Variants in BAHCC1 observed in about 807,000 individuals in gnomAD.
BAHCC1 encodes the protein BAH domain and coiled-coil containing 1.
BAHCC1 carries 43 observed loss-of-function variants against 88.2 expected under a neutral mutation model. The observed-to-expected ratio is 0.49, with a 90% CI of 0.38 to 0.63. The LOEUF (loss-of-function observed/expected upper bound fraction) is 0.63, where lower values mean the gene tolerates loss of function less well. BAHCC1 is among the 20% of genes least tolerant of loss of function. The probability of loss-of-function intolerance (pLI) is 0.00; values close to 1 mark genes in which losing one functional copy is unlikely to be tolerated. For synonymous variants in BAHCC1, 1,510 were observed against 745.5 expected (o/e 2.03, Z -16.71); for missense variants, 3,023 against 1,654.8 (o/e 1.83, Z -14.34).
intron 3 of BAHCC1, among the ~76,000 whole-genome samples, chr17:81,437,220 TCTC>T (rs1219643329): frequency 1.3e-5 from 2 of 152,286 alleles, no homozygotes; most frequent in South Asian, 2.1e-4. Context: ...TCAAACGTCT[TCTC>T]CTCAGGCCTA....
intron 3 of BAHCC1, among the ~76,000 whole-genome samples, chr17:81,436,285 T>C (rs1248210004): frequency 6.6e-6 from 1 of 152,198 alleles, no homozygotes; most frequent in Non-Finnish European, 1.5e-5. Context: ...GCCCAGCAGC[T>C]GAGGGACACG....
At chr17:81,428,585 C>G (rs2064226551) in intron 3 of BAHCC1, among the ~76,000 whole-genome samples, 2 of 152,214 alleles carry the variant, frequency 1.3e-5, no homozygotes, top group African/African-American at 4.8e-5. Context: ...ACCCCACTCC[C>G]TCCACCCACC....
At chr17:81,455,097 C>T (rs2064721925) in intron 14 of BAHCC1, among the ~76,000 whole-genome samples, 170 bp from the exon 15 acceptor site, 1 of 152,188 alleles carries the variant, frequency 6.6e-6, no homozygotes, top group Non-Finnish European at 1.5e-5. Flanking sequence ...CAGAGGAGGT[C>T]AGAGCTGGCT....
rs964780900 is a variant in BAHCC1 at position 81,461,890 on chromosome 17, C to T, written c.7227C>T (p.Ser2409=). 1 of 733,534 alleles carries T rather than the reference C, an allele frequency of 1.4e-6. No homozygotes were observed. Among genetic ancestry groups the T allele is most frequent in the Non-Finnish European group, 2.5e-6 (1 of 394,944 alleles). The allele number at this position is 733,534 out of a possible 1,614,324, so 45.4% of individuals were successfully genotyped here. The change falls in exon 26 of 28, where the codon AGC becomes AGT. Residue 2409 remains serine, a synonymous_variant. Transcript: ENST00000675386. ...GTGCGGGCTCAGGCCCCAGCAGCAG[C>T]AGCAAATCCAAGCTCAAGCGCAAAG... The part of the protein sequence containing the change: ...GTGAGSGPSS[S]SKSKLKRKEA...
intron 2 of BAHCC1, among the ~76,000 whole-genome samples, chr17:81,423,162 G>A (rs893905213): frequency 1.3e-5 from 2 of 151,466 alleles, no homozygotes; most frequent in Admixed American, 6.6e-5. Flanking sequence ...CCGCCGCAGA[G>A]GCCAGCTCAC....
chr17:81,444,538 C>A lies in BAHCC1; in HGVS notation c.2482C>A (p.Pro828Thr), dbSNP rs1598490101. The A allele has an allele frequency of 4.2e-6, 3 of 711,038 alleles. No individual in the cohort carries two copies. The South Asian group carries it at 4.6e-5, about 11-fold the overall frequency. 44.0% of individuals were successfully genotyped at this position (711,038 alleles called of 1,614,324 possible). ...CCCCTGGCTGCCCCGCACCCGCAGC[C>A]CCTCCCTGTGGATGGGGGGGCACTC... ...HPPWLPRTRS[P>T]SLWMGGHSYG... Residue 828 changes from proline (P) to threonine (T), a missense_variant, in exon 7 of 28, where the codon CCC becomes ACC. By Grantham distance (38) the Pro-to-Thr change is conservative (BLOSUM62 -1). Transcript: ENST00000675386.
At chr17:81,408,396 AC>A (rs1351986161) in intron 2 of BAHCC1, among the ~76,000 whole-genome samples, 2 of 39,334 alleles carry the variant, frequency 5.1e-5, no homozygotes, top group African/African-American at 1.0e-4. Flanking sequence ...CCTGCCTCCC[AC>A]CCCCCAGGCT....
At chr17:81,452,470 G>C (rs1223804642) in intron 13 of BAHCC1, among the ~76,000 whole-genome samples, 1 of 151,458 alleles carries the variant, frequency 6.6e-6, no homozygotes, top group Non-Finnish European at 1.5e-5. Flanking sequence ...TTCTCTGGGG[G>C]AGGGGACACC....
intron 2 of BAHCC1, among the ~76,000 whole-genome samples, chr17:81,426,166 TGATAGTGGTG>T (rs2064195081): frequency 7.2e-6 from 1 of 139,384 alleles, no homozygotes; most frequent in African/African-American, 2.7e-5. Flanking sequence ...TGGTTGGGGG[TGATAGTGGTG>T]GGTAATGTGG....
At position 81,444,387 on chromosome 17, in the gene BAHCC1, C is replaced by T. The variant is rs1555653647; in HGVS notation, c.2331C>T (p.Ser777=). The change falls in exon 7 of 28, where the codon AGC becomes AGT. Residue 777 remains serine, a synonymous_variant. Transcript: ENST00000675386. The part of the protein sequence containing the change: ...LASRELLLQD[S]KDRVEFARIH... The stretch of plus-strand genomic sequence containing the variant: ...TGAGCCCCAGGTCTTACAGGGACAG[C>T]AAAGACCGCGTAGAGTTCGCCCGGA... 1.4e-6 allele frequency: 1 copy of T among 738,932 alleles called. No individual in the cohort carries two copies. The highest frequency in any genetic ancestry group is 2.5e-6 in the Non-Finnish European group (1 of 398,874). 45.8% of individuals were successfully genotyped at this position (738,932 alleles called of 1,614,324 possible). A position where few individuals can be genotyped will look rare whatever the true frequency, so the allele number is the denominator to read the frequency against.
rs782175755 is a variant in BAHCC1 at position 81,458,876 on chromosome 17, G to C, written c.5512G>C (p.Asp1838His). 4 of 774,292 alleles carry C rather than the reference G, an allele frequency of 5.2e-6. No homozygotes were observed. Among genetic ancestry groups the C allele is most frequent in the African/African-American group, 1.7e-5 (1 of 59,094 alleles). 48.0% of individuals were successfully genotyped at this position (774,292 alleles called of 1,614,324 possible). A position where few individuals can be genotyped will look rare whatever the true frequency, so the allele number is the denominator to read the frequency against. The part of the protein sequence containing the change: ...SFAVEEDFEF[D>H]DNSSFSEEEE... ...CGCCGTGGAGGAAGACTTTGAGTTC[G>C]ACGACAACAGCAGCTTCTCGGAAGA... The change falls in exon 20 of 28, where the codon GAC (aspartate) becomes CAC (histidine). Residue 1838 changes from aspartate to histidine, a missense_variant. Coordinates refer to ENST00000675386, the MANE Select transcript of BAHCC1 (RefSeq NM_001377448.1).
At position 81,399,552 on chromosome 17, in the gene BAHCC1, G is replaced by A. The variant is rs1555645583; in HGVS notation, c.-188G>A. ...TCCACAGACCATGGACCCGCACAGC[G>A]GCCGCTGGCTCGGTGCGCGGCCGCC... On this transcript the variant is annotated 5_prime_UTR_variant, in exon 2 of 28. Coordinates refer to ENST00000675386, the MANE Select transcript of BAHCC1 (RefSeq NM_001377448.1). This position sits in a 1 kb window ranked among gnomAD's most constrained non-coding sequence, Gnocchi z 4.5. The A allele has an allele frequency of 1.3e-5, 5 of 386,530 alleles. No individual in the cohort carries two copies. The highest frequency in any genetic ancestry group is 7.1e-5 in the South Asian group (4 of 56,296). The allele number at this position is 386,530 out of a possible 1,614,324, so 23.9% of individuals were successfully genotyped here.
Position 81,444,377 on chromosome 17 carries a change from A to C in BAHCC1, c.2325-4A>C, listed in dbSNP as rs1555653635. On this transcript the variant is annotated splice_polypyrimidine_tract_variant and splice_region_variant and intron_variant, in intron 6 of 27. Transcript: ENST00000675386. The stretch of plus-strand genomic sequence containing the variant: ...GCGGCAGGGCTGAGCCCCAGGTCTT[A>C]CAGGGACAGCAAAGACCGCGTAGAG... 1.4e-6 allele frequency: 1 copy of C among 734,024 alleles called. No homozygotes were observed. The highest frequency in any genetic ancestry group is 1.9e-5 in the Admixed American group (1 of 53,514). The allele number at this position is 734,024 out of a possible 1,614,324, so 45.5% of individuals were successfully genotyped here.
At position 81,456,546 on chromosome 17, in the gene BAHCC1, TGCCCA is replaced by T; in HGVS notation, c.4829_4833del (p.Gln1610LeufsTer13). On this transcript the variant is annotated frameshift_variant, in exon 16 of 28. Coordinates refer to ENST00000675386, the MANE Select transcript of BAHCC1 (RefSeq NM_001377448.1). LOFTEE classifies it high-confidence loss of function. ...CCACGGCAGCCGGGAGACACCCAGGTGCCCAGCCCAGCCCTCCGTGGCTGCGTCCC... is the reference window on the plus strand; with the variant it reads ...CCACGGCAGCCGGGAGACACCCAGGTGCCCAGCCCTCCGTGGCTGCGTCCC... The T allele has an allele frequency of 1.4e-6, 1 of 714,352 alleles. No individual in the cohort carries two copies. The allele number at this position is 714,352 out of a possible 1,614,324, so 44.3% of individuals were successfully genotyped here.
In BAHCC1 at chr17:81,462,794, G is replaced by A; in HGVS notation, c.7438G>A (p.Gly2480Ser). The A allele has an allele frequency of 1.3e-6, 1 of 780,002 alleles. No homozygotes were observed. The highest frequency in any genetic ancestry group is 2.4e-6 in the Non-Finnish European group (1 of 417,750). The allele number at this position is 780,002 out of a possible 1,614,324, so 48.3% of individuals were successfully genotyped here. A position where few individuals can be genotyped will look rare whatever the true frequency, so the allele number is the denominator to read the frequency against. ...GCTGTTCTACAAGGCCATCGTGCGG[G>A]GCGAGGAGACCCTGCGTGTCGGGGA... ...RKLFYKAIVR[G>S]EETLRVGDCA... The change falls in exon 27 of 28, where the codon GGC becomes AGC. Residue 2480 changes from glycine (G) to serine (S), a missense_variant. Coordinates refer to ENST00000675386, the MANE Select transcript of BAHCC1 (RefSeq NM_001377448.1).
At position 81,458,464 on chromosome 17, in the gene BAHCC1, C is replaced by A; in HGVS notation, c.5341C>A (p.Arg1781=). The change falls in exon 18 of 28, where the codon CGG becomes AGG. Residue 1781 remains arginine (R), a splice_region_variant and synonymous_variant. Coordinates refer to ENST00000675386, the MANE Select transcript of BAHCC1 (RefSeq NM_001377448.1). ...GGGCACAGTGCTGCAGCCAGTGCTG[C>A]GGGTGAGGCTGGGCTCTGGGGTGCT... The part of the protein sequence containing the change: ...RKGTVLQPVL[R]RKNGALSITL... 1 of 709,176 alleles carries A rather than the reference C, an allele frequency of 1.4e-6. No homozygotes were observed. Among genetic ancestry groups the A allele is most frequent in the Admixed American group, 1.9e-5 (1 of 52,488 alleles). 43.9% of individuals were successfully genotyped at this position (709,176 alleles called of 1,614,324 possible).
intron 2 of BAHCC1, among the ~76,000 whole-genome samples, chr17:81,403,453 C>T (rs1195447488): frequency 6.7e-6 from 1 of 148,914 alleles, no homozygotes; most frequent in Non-Finnish European, 1.5e-5. Flanking sequence ...TTCTTTCCTG[C>T]TGAAAAAGTG....
rs562471047 is a variant in BAHCC1 at position 81,425,905 on chromosome 17, G to A, written c.179-895G>A. Among the ~76,000 whole-genome samples the A allele has an allele frequency of 1.4e-3, 211 of 148,200 alleles. 1 individual carries two copies. The highest frequency in any genetic ancestry group is 5.1e-3 in the African/African-American group (203 of 39,888). ...GGTGGTGATGTGGTTGGTGGGTGAT[G>A]TCATTGGTGATGTGGTTGGTGCATG... On this transcript the variant is annotated intron_variant, in intron 2 of 27. Coordinates refer to ENST00000675386, the MANE Select transcript of BAHCC1 (RefSeq NM_001377448.1).
chr17:81,455,625 C>T (rs2064734738), intron 15 of BAHCC1, among the ~76,000 whole-genome samples: 1 of 152,230 alleles, frequency 6.6e-6, no homozygotes, highest in Admixed American at 6.5e-5. Flanking sequence ...CTCCACCCTC[C>T]TCGTCTCACT....
Sources: gnomAD v4.1 joint callset for allele counts (sites outside exome capture counted in the v4.1 genomes callset) on GRCh38, gnomAD v4.1.1 for gene constraint, Gnocchi (gnomAD v3.1) non-coding constraint, MANE v1.5 for transcripts, NCBI Gene and HGNC (gene_info 2026-07-23, HGNC 2026-07-21) for gene names.